Variants in IRAK1BP1 observed in about 807,000 individuals in gnomAD.
IRAK1BP1 encodes interleukin-1 receptor-associated kinase 1-binding protein 1.
Under a neutral mutation model 28.0 loss-of-function variants are expected in IRAK1BP1, and 24 were observed. The ratio of observed to expected loss-of-function variants is 0.86; its 90% CI spans 0.62 to 1.20. The LOEUF (loss-of-function observed/expected upper bound fraction) is 1.20. Ranked by LOEUF, IRAK1BP1 falls within the 50% of genes most tolerant of loss-of-function variation. IRAK1BP1 has a pLI of 0.00. For missense variants in IRAK1BP1, 336 were observed against 316.7 expected, an observed-to-expected ratio of 1.06 and a Z score of -0.46; for synonymous variants, 131 against 116.3, an observed-to-expected ratio of 1.13 and a Z score of -0.81.
At chr6:78,920,381 A>C (rs997677476) in intron 4 of IRAK1BP1, among the ~76,000 whole-genome samples, 4 of 152,344 alleles carry the variant, frequency 2.6e-5, no homozygotes, top group African/African-American at 9.6e-5. Context: ...ACCTGACTTC[A>C]AACAAGGCTA....
intron 1 of IRAK1BP1, among the ~76,000 whole-genome samples, chr6:78,878,871 C>T (rs1267537640): frequency 3.3e-5 from 5 of 151,856 alleles, no homozygotes; most frequent in Admixed American, 6.6e-5. Flanking sequence ...CTTCAGTAGC[C>T]GATTAGATGA....
the IRAK1BP1 span, among the ~76,000 whole-genome samples, chr6:78,966,670 G>A: frequency 3.3e-5 from 5 of 152,162 alleles, no homozygotes; most frequent in Admixed American, 6.5e-5. Context: ...TGCTGTCGTC[G>A]TATTACTTAA....
chr6:78,965,787 T>A, the IRAK1BP1 span: 1 of 1,384,858 alleles, frequency 7.2e-7, no homozygotes, highest in Non-Finnish European at 1.0e-6. Flanking sequence ...AAAATCATTA[T>A]ATTAAAAAAT....
intron 4 of IRAK1BP1, among the ~76,000 whole-genome samples, chr6:78,942,263 A>T (rs1427750505): frequency 6.6e-6 from 1 of 152,194 alleles, no homozygotes; most frequent in Admixed American, 6.5e-5. Flanking sequence ...TGGGCGGATC[A>T]CCTGAGGTCA....
chr6:78,883,639 A>C (rs1275161704), intron 1 of IRAK1BP1, among the ~76,000 whole-genome samples: 1 of 152,228 alleles, frequency 6.6e-6, no homozygotes, highest in Non-Finnish European at 1.5e-5. Context: ...ATTAAATGAC[A>C]AAAAAGTTTC....
chr6:78,893,334 A>G (rs1219010392), intron 2 of IRAK1BP1, among the ~76,000 whole-genome samples: 5 of 143,552 alleles, frequency 3.5e-5, no homozygotes, highest in South Asian at 2.3e-4. Context: ...ATATATATAT[A>G]TATATATATA....
At chr6:78,886,812 G>A (rs1771447960) in intron 2 of IRAK1BP1, among the ~76,000 whole-genome samples, 1 of 152,178 alleles carries the variant, frequency 6.6e-6, no homozygotes, top group Non-Finnish European at 1.5e-5. Flanking sequence ...TTTAAAACAT[G>A]ACTAAATGAG....
chr6:78,973,964 CA>C, the IRAK1BP1 span, among the ~76,000 whole-genome samples: 3 of 151,996 alleles, frequency 2.0e-5, no homozygotes, highest in East Asian at 1.9e-4. Flanking sequence ...TTAGACAGAT[CA>C]ACGAGACAGA....
chr6:78,919,571 A>G (rs932100811), intron 4 of IRAK1BP1, among the ~76,000 whole-genome samples: 1 of 152,216 alleles, frequency 6.6e-6, no homozygotes, highest in African/African-American at 2.4e-5. Flanking sequence ...ACATCTGTAT[A>G]CACACAAACT....
At chr6:78,884,357 A>G (rs994774728) in intron 1 of IRAK1BP1, among the ~76,000 whole-genome samples, 18 of 152,156 alleles carry the variant, frequency 1.2e-4, no homozygotes, top group African/African-American at 4.3e-4. Context: ...ATAAAATATA[A>G]GTTTTGCTTG....
intron 1 of IRAK1BP1, among the ~76,000 whole-genome samples, chr6:78,877,241 G>A (rs1771032432): frequency 1.3e-5 from 2 of 152,302 alleles, no homozygotes; most frequent in African/African-American, 4.8e-5. Context: ...TCTTGTGGTT[G>A]CAGGTCTGTT....
chr6:78,958,413 G>A, the IRAK1BP1 span: 1 of 1,042,434 alleles, frequency 9.6e-7, no homozygotes, highest in South Asian at 1.4e-5. Context: ...TCTATTTTAA[G>A]AGGAACTGTA....
chr6:78,879,385 C>A lies in IRAK1BP1; in HGVS notation c.316-5993C>A, dbSNP rs1771137868. Among the ~76,000 whole-genome samples the A allele has an allele frequency of 2.0e-5, 3 of 151,826 alleles. No homozygotes were observed. In the South Asian group the frequency reaches 6.2e-4, roughly 32 times the overall value. On this transcript the variant is annotated intron_variant, in intron 1 of 3. Coordinates refer to ENST00000369940, the MANE Select transcript of IRAK1BP1 (RefSeq NM_001010844.4). ...TTAAAAAAATAAAAAAATCACTGGGCTAAAGTAAATAAGTATTTTACTGGT... is the reference window on the plus strand; with the variant it reads ...TTAAAAAAATAAAAAAATCACTGGGATAAAGTAAATAAGTATTTTACTGGT...
chr6:78,941,295 T>C (rs777227561), intron 4 of IRAK1BP1: 34 of 1,613,606 alleles, frequency 2.1e-5, no homozygotes, highest in Non-Finnish European at 2.5e-5. Context: ...TTTACTTGAA[T>C]GGTTCCTGGT....
intron 1 of IRAK1BP1, among the ~76,000 whole-genome samples, chr6:78,884,158 C>T (rs1283625271): frequency 6.6e-6 from 1 of 152,070 alleles, no homozygotes; most frequent in Non-Finnish European, 1.5e-5. Context: ...ATATTTGGAA[C>T]TTGAGTCAAA....
chr6:78,904,074 C>A (rs957915266), downstream of IRAK1BP1, among the ~76,000 whole-genome samples: 1 of 152,130 alleles, frequency 6.6e-6, no homozygotes, highest in African/African-American at 2.4e-5. Context: ...AAGACAGATA[C>A]TGTTTATGGC....
At position 78,902,939 on chromosome 6, in the gene IRAK1BP1, A is replaced by T; in HGVS notation, c.*4605A>T. Reference sequence around the variant, plus strand: ...TCAAGAAGGATTGTTTTCTACTATTAAAACAATAAAACTCTTATAAACCTG... The same window carrying T: ...TCAAGAAGGATTGTTTTCTACTATTTAAACAATAAAACTCTTATAAACCTG... On this transcript the variant is annotated 3_prime_UTR_variant, in exon 4 of 4. Coordinates refer to ENST00000369940, the MANE Select transcript of IRAK1BP1 (RefSeq NM_001010844.4). The T allele has an allele frequency of 1.1e-6, 1 of 922,194 alleles. No individual in the cohort carries two copies. The highest frequency in any genetic ancestry group is 1.7e-6 in the Non-Finnish European group (1 of 602,942). The allele number at this position is 922,194 out of a possible 1,614,324, so 57.1% of individuals were successfully genotyped here.
Position 78,903,067 on chromosome 6 carries a change from G to T in IRAK1BP1, c.*4733G>T. 1 of 1,532,078 alleles carries T rather than the reference G, an allele frequency of 6.5e-7. No homozygotes were observed. Among genetic ancestry groups the T allele is most frequent in the Non-Finnish European group, 8.7e-7 (1 of 1,143,338 alleles). 94.9% of individuals were successfully genotyped at this position (1,532,078 alleles called of 1,614,324 possible). On this transcript the variant is annotated 3_prime_UTR_variant, in exon 4 of 4. Coordinates refer to ENST00000369940, the MANE Select transcript of IRAK1BP1 (RefSeq NM_001010844.4). ...AGCCATGTCACCTGTGAATTATCAT[G>T]AATCCCACATCAAATGAACAAATAC...
At chr6:78,956,248 G>A in the IRAK1BP1 span, 2 of 151,910 alleles carry the variant, frequency 1.3e-5, no homozygotes, top group African/African-American at 4.8e-5. Flanking sequence ...TACAGTAATG[G>A]GAATCTTGGT....
Sources: allele counts gnomAD v4.1 joint callset (sites outside exome capture counted in the v4.1 genomes callset), GRCh38; gene constraint gnomAD v4.1.1; transcripts MANE v1.5; gene names NCBI Gene and HGNC (gene_info 2026-07-23, HGNC 2026-07-21).